Variants in ZNF608 observed in about 807,000 individuals in gnomAD.
ZNF608 encodes the protein renal carcinoma antigen NY-REN-36.
In ZNF608, 12 loss-of-function variants were observed where a neutral mutation model predicts 109.0. That is an observed-to-expected ratio of 0.11 (90% confidence interval 0.07 to 0.18). ZNF608 has a LOEUF of 0.18. Among genes scored for constraint, ZNF608 ranks in the 10% least tolerant of loss-of-function variants. The pLI is 1.00. For synonymous variants in ZNF608, 732 were observed against 717.4 expected, an observed-to-expected ratio of 1.02 and a Z score of -0.33; for missense variants, 1,707 against 1,879.3, an observed-to-expected ratio of 0.91 and a Z score of 1.70.
intron 2 of ZNF608, among the ~76,000 whole-genome samples, chr5:124,703,124 GTA>G (rs1283652261): frequency 1.3e-5 from 2 of 151,290 alleles, no homozygotes; most frequent in African/African-American, 4.9e-5. Flanking sequence ...TTCTTAATTT[GTA>G]TAGTTAGTTG....
At chr5:124,661,955 G>A (rs1751280873) in intron 3 of ZNF608, among the ~76,000 whole-genome samples, 1 of 152,100 alleles carries the variant, frequency 6.6e-6, no homozygotes, top group South Asian at 2.1e-4. Context: ...CAATTTCAGG[G>A]CCTGTAAACC....
intron 2 of ZNF608, among the ~76,000 whole-genome samples, chr5:124,725,264 C>T (rs971160383): frequency 4.6e-5 from 7 of 151,814 alleles, no homozygotes; most frequent in African/African-American, 1.7e-4. Flanking sequence ...CCTTATAGCA[C>T]GTAACGCCAA....
At chr5:124,673,836 T>A (rs996281217) in intron 3 of ZNF608, among the ~76,000 whole-genome samples, 19 of 152,218 alleles carry the variant, frequency 1.2e-4, no homozygotes, top group Admixed American at 1.0e-3. Flanking sequence ...TAGTTTATGA[T>A]CATTTAACTA....
At chr5:124,680,931 C>T (rs1003886511) in intron 3 of ZNF608, among the ~76,000 whole-genome samples, 6 of 151,952 alleles carry the variant, frequency 3.9e-5, no homozygotes, top group Non-Finnish European at 7.4e-5. Flanking sequence ...AAAAACTCTC[C>T]AGGCAGAAAA....
At chr5:124,732,740 C>T (rs1469110496) in intron 2 of ZNF608, among the ~76,000 whole-genome samples, 1 of 152,014 alleles carries the variant, frequency 6.6e-6, no homozygotes. Flanking sequence ...GTCTAGGGCC[C>T]TTGCAACAAA....
rs2149781543 is a variant in ZNF608 at position 124,641,367 on chromosome 5, T to C, written c.4335A>G (p.Ala1445=). 1.9e-6 allele frequency: 3 copies of C among 1,614,120 alleles called. No homozygotes were observed. Among genetic ancestry groups the C allele is most frequent in the East Asian group, 2.2e-5 (1 of 44,870 alleles). The change falls in exon 8 of 10, where the codon GCA becomes GCG. Residue 1445 remains alanine (A), a synonymous_variant. Transcript: ENST00000513986. ...GGGAGTGGCGATCCCTTTCCCTTTC[T>C]GCCTCCCGTTCCCGCTCAGCTGTAG... ...EKATAERERE[A]ERERDRHSPF...
At chr5:124,639,044 GT>G in intron 9 of ZNF608, 88 bp downstream of exon 9, 1 of 1,295,902 alleles carries the variant, frequency 7.7e-7, no homozygotes, top group Non-Finnish European at 1.1e-6. Flanking sequence ...AAGGAGTTAA[GT>G]TTTTGGTCTA....
Position 124,647,196 on chromosome 5 carries a change from T to A in ZNF608, c.3188A>T (p.His1063Leu). 2 of 1,614,216 alleles carry A rather than the reference T, an allele frequency of 1.2e-6. No individual in the cohort carries two copies. Among genetic ancestry groups the A allele is most frequent in the Non-Finnish European group, 1.7e-6 (2 of 1,180,046 alleles). Residue 1063 changes from histidine to leucine, a missense_variant, in exon 5 of 10, where the codon CAC becomes CTC. Around this residue, in one of 7 missense-constraint regions of ZNF608, gnomAD observed 1,073 missense variants for 1,133.5 expected, o/e 0.95. Coordinates refer to ENST00000513986, the MANE Select transcript of ZNF608 (RefSeq NM_020747.3). ...DHNSASLQPQ[H>L]QSVITQRHPA... ...ATGTCTTTGTGTGATCACCGACTGG[T>A]GCTGAGGCTGTAAGGATGCAGAATT...
intron 3 of ZNF608, among the ~76,000 whole-genome samples, chr5:124,652,578 A>G (rs550631251): frequency 6.6e-6 from 1 of 152,340 alleles, no homozygotes; most frequent in East Asian, 1.9e-4. Flanking sequence ...CTGCCACTCT[A>G]TATTGGAATG....
In ZNF608 at chr5:124,662,616, A is replaced by G. The variant is rs190922404; in HGVS notation, c.1163-12919T>C. ...CTTTAGCAAGAGAAAGGCTATTGTT[A>G]GTAACTCAGTCTTTATTGACTCTGA... is the stretch of plus-strand genomic sequence containing the variant. On this transcript the variant is annotated intron_variant, in intron 3 of 9. Transcript: ENST00000513986. 3.3e-5 allele frequency among the ~76,000 whole-genome samples: 5 copies of G among 152,374 alleles called. No individual in the cohort carries two copies. The East Asian group carries it at 9.6e-4, about 29-fold the overall frequency.
At chr5:124,683,632 T>C (rs925269978) in intron 3 of ZNF608, among the ~76,000 whole-genome samples, 1 of 152,204 alleles carries the variant, frequency 6.6e-6, no homozygotes, top group Non-Finnish European at 1.5e-5. Flanking sequence ...AGGTGAAATA[T>C]GAAACTACTG....
chr5:124,691,285 A>G (rs1283042678), intron 3 of ZNF608, among the ~76,000 whole-genome samples: 1 of 152,110 alleles, frequency 6.6e-6, no homozygotes, highest in Non-Finnish European at 1.5e-5. Flanking sequence ...ACAAAAAAAA[A>G]AGGTGAGGGC....
At chr5:124,724,723 A>G (rs1754071160) in intron 2 of ZNF608, among the ~76,000 whole-genome samples, 1 of 151,924 alleles carries the variant, frequency 6.6e-6, no homozygotes, top group African/African-American at 2.4e-5. Flanking sequence ...CATTTTGTCC[A>G]CTCTCTGAAA....
Position 124,648,623 on chromosome 5 carries a change from G to A in ZNF608, c.1761C>T (p.Phe587=), listed in dbSNP as rs761281391. 6 of 1,614,062 alleles carry A rather than the reference G, an allele frequency of 3.7e-6. No homozygotes were observed. The highest frequency in any genetic ancestry group is 1.6e-4 in the Middle Eastern group (1 of 6,084). Residue 587 remains phenylalanine, a synonymous_variant, in exon 5 of 10, where the codon TTC becomes TTT. Coordinates refer to ENST00000513986, the MANE Select transcript of ZNF608 (RefSeq NM_020747.3). ...AGATCTTGTCCTCACTGTCAGGCTC[G>A]AACTCCAGCTTGTTTTCTGGGTCTA... ...AHLDPENKLE[F]EPDSEDKISD... is the part of the protein sequence containing the mutation.
intron 3 of ZNF608, among the ~76,000 whole-genome samples, chr5:124,680,309 T>TA (rs1323168630): frequency 6.6e-6 from 1 of 151,136 alleles, no homozygotes; most frequent in African/African-American, 2.4e-5. Context: ...TGTAAAGCTC[T>TA]AAAAATTTTC....
chr5:124,705,015 C>T (rs890830324), intron 2 of ZNF608, among the ~76,000 whole-genome samples: 1 of 151,858 alleles, frequency 6.6e-6, no homozygotes, highest in African/African-American at 2.4e-5. Context: ...GTAAGAATTT[C>T]CCCCCAAAAG....
intron 2 of ZNF608, among the ~76,000 whole-genome samples, chr5:124,733,591 T>C (rs932772670): frequency 6.6e-6 from 1 of 152,176 alleles, no homozygotes; most frequent in Non-Finnish European, 1.5e-5. Flanking sequence ...AAAGGGTAAT[T>C]AGTGAACCCC....
intron 3 of ZNF608, among the ~76,000 whole-genome samples, chr5:124,655,902 T>C (rs192312609): frequency 1.7e-4 from 26 of 152,328 alleles, no homozygotes; most frequent in East Asian, 1.3e-3. Context: ...AAATTTAAAA[T>C]GTACAACTAA....
intron 3 of ZNF608, among the ~76,000 whole-genome samples, chr5:124,672,547 C>T (rs1363668147): frequency 1.3e-5 from 2 of 152,196 alleles, no homozygotes; most frequent in Admixed American, 6.5e-5. Context: ...CACTTATTTT[C>T]ACTGTAACAT....
Sources: gnomAD v4.1 joint callset for allele counts (sites outside exome capture counted in the v4.1 genomes callset) on GRCh38, gnomAD v4.1.1 for gene constraint, gnomAD v4.1.1 regional missense constraint, MANE v1.5 for transcripts, NCBI Gene and HGNC (gene_info 2026-07-23, HGNC 2026-07-21) for gene names.